AFG1L: variants seen among roughly 807,000 people sequenced by gnomAD.
AFG1L encodes the protein AFG1-like ATPase.
Under a neutral mutation model 62.2 loss-of-function variants are expected in AFG1L, and 53 were observed. The observed-to-expected ratio is 0.85, with a 90% CI of 0.68 to 1.07. AFG1L has a LOEUF of 1.07. Ranked by LOEUF, AFG1L falls within the 50% of genes least tolerant of loss-of-function variation. The pLI, the probability that AFG1L is intolerant of heterozygous loss-of-function variation, is 0.00. For synonymous variants in AFG1L, 228 were observed against 210.3 expected (o/e 1.08, Z -0.73); for missense variants, 555 against 590.5 (o/e 0.94, Z 0.62).
At chr6:108,369,735 A>G (rs942496966) in intron 6 of AFG1L, among the ~76,000 whole-genome samples, 1 of 152,060 alleles carries the variant, frequency 6.6e-6, no homozygotes, top group Non-Finnish European at 1.5e-5. Context: ...CAGTCTCCCA[A>G]GTAGCTGGGA....
chr6:108,521,775 G>C (rs1307980293), intron 12 of AFG1L: 1 of 152,758 alleles, frequency 6.5e-6, no homozygotes, highest in Non-Finnish European at 1.5e-5. Flanking sequence ...TTTGGTCCTA[G>C]ATGGTGGGAT....
intron 6 of AFG1L, among the ~76,000 whole-genome samples, chr6:108,386,794 A>G (rs1328825971): frequency 1.3e-5 from 2 of 152,234 alleles, no homozygotes; most frequent in Non-Finnish European, 2.9e-5. Flanking sequence ...TTCTATACGA[A>G]TGCAGTGTTT....
intron 2 of AFG1L, among the ~76,000 whole-genome samples, chr6:108,342,205 G>T (rs959576938): frequency 1.3e-4 from 20 of 152,138 alleles, no homozygotes; most frequent in Non-Finnish European, 2.9e-4. Context: ...CCTGTTTCCT[G>T]CAAGGAATGC....
At chr6:108,333,395 C>T (rs1055496367) in intron 2 of AFG1L, among the ~76,000 whole-genome samples, 16 of 148,734 alleles carry the variant, frequency 1.1e-4, no homozygotes, top group East Asian at 4.0e-4. Context: ...GGTGACAGAG[C>T]GAGACTCCAT....
chr6:108,447,362 G>A (rs1443243188), intron 8 of AFG1L, 66 bp downstream of exon 8: 2 of 994,904 alleles, frequency 2.0e-6, no homozygotes, highest in East Asian at 4.9e-5. Flanking sequence ...ATAAAAATAA[G>A]CAGTTTAATT....
At chr6:108,487,559 C>T (rs1252435189) in intron 10 of AFG1L, among the ~76,000 whole-genome samples, 1 of 152,102 alleles carries the variant, frequency 6.6e-6, no homozygotes, top group African/African-American at 2.4e-5. Flanking sequence ...ACTGATCTGT[C>T]ATTCCTTTTA....
intron 2 of AFG1L, among the ~76,000 whole-genome samples, chr6:108,335,571 C>A (rs1778446284): frequency 6.8e-6 from 1 of 146,490 alleles, no homozygotes; most frequent in Non-Finnish European, 1.6e-5. Context: ...AGATTCAGAA[C>A]AACAACAGCG....
In AFG1L at chr6:108,461,385, A is replaced by G. The variant is rs572974738; in HGVS notation, c.890+14089A>G. ...CCCTGTTGTACACTTATAACTGTAT[A>G]TTATAAACAACTACAAAACAACAAC... On this transcript the variant is annotated intron_variant, in intron 8 of 12. Coordinates refer to ENST00000368977, the MANE Select transcript of AFG1L (RefSeq NM_145315.5). 2.0e-5 allele frequency among the ~76,000 whole-genome samples: 3 copies of G among 152,332 alleles called. No individual in the cohort carries two copies. In the East Asian group the frequency reaches 5.8e-4, roughly 29 times the overall value.
chr6:108,448,773 C>G (rs1771923018), intron 8 of AFG1L, among the ~76,000 whole-genome samples: 1 of 152,092 alleles, frequency 6.6e-6, no homozygotes, highest in Admixed American at 6.6e-5. Context: ...TAGAGGAAAA[C>G]CAACACTAAC....
rs565677627 is a variant in AFG1L at position 108,495,498 on chromosome 6, A to G, written c.1063-14714A>G. ...TCATTTGGGTATACTGAAGTGGATCATTGTAGGGCAGAAGGTGGTCTGATG... is the reference window on the plus strand; with the variant it reads ...TCATTTGGGTATACTGAAGTGGATCGTTGTAGGGCAGAAGGTGGTCTGATG... On this transcript the variant is annotated intron_variant, in intron 10 of 12. Coordinates refer to ENST00000368977, the MANE Select transcript of AFG1L (RefSeq NM_145315.5). 2.6e-5 allele frequency among the ~76,000 whole-genome samples: 4 copies of G among 152,344 alleles called. No individual in the cohort carries two copies. The East Asian group carries it at 7.7e-4, about 29-fold the overall frequency.
At chr6:108,402,413 GAGAT>G (rs1173528585) in intron 7 of AFG1L, among the ~76,000 whole-genome samples, 2 of 147,794 alleles carry the variant, frequency 1.4e-5, no homozygotes, top group East Asian at 4.0e-4. Flanking sequence ...GCAGTGAGCC[GAGAT>G]CACGCCACTA....
At chr6:108,330,141 C>T (rs969842384) in intron 2 of AFG1L, among the ~76,000 whole-genome samples, 3 of 151,552 alleles carry the variant, frequency 2.0e-5, no homozygotes, top group Non-Finnish European at 4.4e-5. Flanking sequence ...CAAACATGGA[C>T]TTCTCAGCCT....
chr6:108,442,449 G>A (rs1007604729), intron 7 of AFG1L, among the ~76,000 whole-genome samples: 1 of 152,004 alleles, frequency 6.6e-6, no homozygotes, highest in African/African-American at 2.4e-5. Flanking sequence ...TTGGTTATAG[G>A]GCCCAGGTCC....
At chr6:108,355,825 T>G (rs899138851) in intron 4 of AFG1L, 70 bp downstream of exon 4, 1 of 1,008,240 alleles carries the variant, frequency 9.9e-7, no homozygotes, top group Non-Finnish European at 1.5e-6. Flanking sequence ...CTTCATTGAA[T>G]GAACATATAC....
intron 6 of AFG1L, among the ~76,000 whole-genome samples, chr6:108,367,949 T>A (rs527662517): frequency 6.6e-6 from 1 of 151,448 alleles, no homozygotes; most frequent in African/African-American, 2.4e-5. Flanking sequence ...TAGTGGGAAC[T>A]TTTTTTTTAA....
intron 7 of AFG1L, among the ~76,000 whole-genome samples, chr6:108,408,487 T>G (rs1486485506): frequency 1.3e-5 from 2 of 152,236 alleles, no homozygotes; most frequent in African/African-American, 4.8e-5. Flanking sequence ...TGAACTCTAC[T>G]GTGCAAATTC....
chr6:108,501,435 T>C (rs1253482274), intron 10 of AFG1L, among the ~76,000 whole-genome samples: 1 of 152,230 alleles, frequency 6.6e-6, no homozygotes, highest in Non-Finnish European at 1.5e-5. Flanking sequence ...TGAAGGAAGC[T>C]AGATGAAATT....
At chr6:108,319,310 C>G (rs2114279520) in intron 1 of AFG1L, among the ~76,000 whole-genome samples, 1 of 152,242 alleles carries the variant, frequency 6.6e-6, no homozygotes, top group Non-Finnish European at 1.5e-5. Context: ...GCATGATCTC[C>G]ACTCACTGCA....
chr6:108,390,814 G>T (rs1373071163), intron 6 of AFG1L, among the ~76,000 whole-genome samples: 1 of 152,194 alleles, frequency 6.6e-6, no homozygotes, highest in Non-Finnish European at 1.5e-5. Flanking sequence ...CCTGGGTCAG[G>T]GACCTACTTG....
Sources: gnomAD v4.1 joint callset for allele counts (sites outside exome capture counted in the v4.1 genomes callset) on GRCh38, gnomAD v4.1.1 for gene constraint, MANE v1.5 for transcripts, NCBI Gene and HGNC (gene_info 2026-07-23, HGNC 2026-07-21) for gene names.